SLC35D1: variants seen among roughly 807,000 people sequenced by gnomAD.
The protein encoded by SLC35D1 is nucleotide sugar transporter SLC35D1.
In SLC35D1, 31 loss-of-function variants were observed where a neutral mutation model predicts 46.7. The observed-to-expected ratio is 0.66, with a 90% CI of 0.50 to 0.90. The LOEUF (loss-of-function observed/expected upper bound fraction) is 0.90. SLC35D1 is among the 40% of genes least tolerant of loss of function. SLC35D1 has a pLI of 0.00. For missense variants in SLC35D1, 397 were observed against 426.2 expected (o/e 0.93, Z 0.60); for synonymous variants, 195 against 164.6 (o/e 1.18, Z -1.41).
the SLC35D1 span, among the ~76,000 whole-genome samples, chr1:66,992,265 T>C: frequency 1.3e-5 from 2 of 152,242 alleles, no homozygotes; most frequent in Non-Finnish European, 2.9e-5. Flanking sequence ...TTTCAAATTT[T>C]TGCTGGTGCT....
chr1:66,995,219 T>C (rs1667225060), downstream of SLC35D1, among the ~76,000 whole-genome samples: 1 of 151,908 alleles, frequency 6.6e-6, no homozygotes, highest in African/African-American at 2.4e-5. Context: ...TGGTAGCCAG[T>C]GGGCTAAGTC....
downstream of SLC35D1, among the ~76,000 whole-genome samples, chr1:66,996,510 C>A (rs940465643): frequency 6.6e-6 from 1 of 152,164 alleles, no homozygotes; most frequent in African/African-American, 2.4e-5. Context: ...CTGACCACAC[C>A]GGGCAAGTGT....
rs1667291441 is a variant in SLC35D1, at chr1:66,999,765, A to C, written c.*4575T>G. 6.6e-6 allele frequency: 1 copy of C among 152,078 alleles called. No homozygotes were observed. The highest frequency in any genetic ancestry group is 1.5e-5 in the Non-Finnish European group (1 of 68,012). 9.4% of individuals were successfully genotyped at this position (152,078 alleles called of 1,614,324 possible). ...GCATCCTGAAAGTAAGACCTAGAAG[A>C]CTGGCTTAGAAAACAGTAATGGTGC... On this transcript the variant is annotated 3_prime_UTR_variant, in exon 12 of 12. Transcript: ENST00000235345.
intron 8 of SLC35D1, among the ~76,000 whole-genome samples, chr1:67,024,386 TCTC>T (rs1253153800): frequency 6.6e-6 from 1 of 152,230 alleles, no homozygotes; most frequent in Admixed American, 6.5e-5. Context: ...TCAAAGATCT[TCTC>T]CTATCTTTTC....
At chr1:67,041,333 G>C (rs1465292787) in intron 8 of SLC35D1, among the ~76,000 whole-genome samples, 1 of 152,124 alleles carries the variant, frequency 6.6e-6, no homozygotes, top group Non-Finnish European at 1.5e-5. Context: ...TAAAAGAAGA[G>C]GTATGATGGG....
chr1:67,054,081 A>G lies in SLC35D1; in HGVS notation c.-68T>C. The stretch of plus-strand genomic sequence containing the variant: ...TCGGGGGCCTGCAGCGGCAGCTCCC[A>G]GGGGACTCCAGGAGTTGGGGACCGC... On this transcript the variant is annotated 5_prime_UTR_variant, in exon 1 of 12. Transcript: ENST00000235345. 6.6e-7 allele frequency: 1 copy of G among 1,519,508 alleles called. No homozygotes were observed. Among genetic ancestry groups the G allele is most frequent in the East Asian group, 2.3e-5 (1 of 43,802 alleles). 94.1% of individuals were successfully genotyped at this position (1,519,508 alleles called of 1,614,324 possible). A position where few individuals can be genotyped will look rare whatever the true frequency, so the allele number is the denominator to read the frequency against.
At chr1:66,975,745 G>T in the SLC35D1 span, among the ~76,000 whole-genome samples, 4 of 152,068 alleles carry the variant, frequency 2.6e-5, no homozygotes, top group African/African-American at 9.7e-5. Flanking sequence ...ACAGTAAGCC[G>T]CAAGAGTAAC....
At position 67,000,586 on chromosome 1, in the gene SLC35D1, T is replaced by G. The variant is rs1458574171; in HGVS notation, c.*3754A>C. On this transcript the variant is annotated 3_prime_UTR_variant, in exon 12 of 12. Transcript: ENST00000235345. ...TTTACGGAGCATAAATTAAGAATCT[T>G]GTTTTGCCTTGAGTCTCACCATGAA... is the stretch of plus-strand genomic sequence containing the variant. 1 of 152,328 alleles carries G rather than the reference T, an allele frequency of 6.6e-6. No homozygotes were observed. The highest frequency in any genetic ancestry group is 6.5e-5 in the Admixed American group (1 of 15,278). 9.4% of individuals were successfully genotyped at this position (152,328 alleles called of 1,614,324 possible). A position where few individuals can be genotyped will look rare whatever the true frequency, so the allele number is the denominator to read the frequency against.
chr1:67,050,142 A>G (rs1437629896), intron 5 of SLC35D1, among the ~76,000 whole-genome samples: 1 of 152,212 alleles, frequency 6.6e-6, no homozygotes, highest in Non-Finnish European at 1.5e-5. Context: ...GGAGCTAGAC[A>G]TGAACACTAT....
the SLC35D1 span, among the ~76,000 whole-genome samples, chr1:66,992,632 TGGCTAGAGCCATG>T: frequency 1.3e-5 from 2 of 152,258 alleles, no homozygotes; most frequent in African/African-American, 4.8e-5. Flanking sequence ...CACGTATTCA[TGGCTAGAGCCATG>T]GGCTTAACCC....
the SLC35D1 span, among the ~76,000 whole-genome samples, chr1:66,990,702 A>ATAGT: frequency 3.3e-5 from 5 of 152,206 alleles, no homozygotes; most frequent in East Asian, 1.9e-4. Context: ...GTGTATATGT[A>ATAGT]TAGTTAGTTA....
At chr1:66,996,002 G>A (rs1667235604), downstream of SLC35D1, among the ~76,000 whole-genome samples, 1 of 152,160 alleles carries the variant, frequency 6.6e-6, no homozygotes, top group Non-Finnish European at 1.5e-5. Context: ...AGAAAGAAAG[G>A]GGTTTTGAAA....
At chr1:67,014,447 A>G (rs1157825360) in intron 10 of SLC35D1, among the ~76,000 whole-genome samples, 1 of 152,082 alleles carries the variant, frequency 6.6e-6, no homozygotes, top group Non-Finnish European at 1.5e-5. Flanking sequence ...CTAAAATTTA[A>G]AAACCAAAGC....
chr1:66,990,733 A>G, the SLC35D1 span, among the ~76,000 whole-genome samples: 2 of 152,324 alleles, frequency 1.3e-5, no homozygotes, highest in Non-Finnish European at 2.9e-5. Flanking sequence ...TGAAGGTCAT[A>G]TGCCAAAAGT....
intron 4 of SLC35D1, among the ~76,000 whole-genome samples, chr1:67,051,614 T>C (rs1645309462): frequency 6.6e-6 from 1 of 152,238 alleles, no homozygotes. Context: ...TTCTTGTGCC[T>C]ACCCTCTAAT....
At chr1:67,040,803 G>T (rs1328968386) in intron 8 of SLC35D1, among the ~76,000 whole-genome samples, 2 of 152,160 alleles carry the variant, frequency 1.3e-5, no homozygotes, top group African/African-American at 4.8e-5. Flanking sequence ...TCTGCTAAAA[G>T]AAACTTTATA....
At chr1:66,974,382 G>T in the SLC35D1 span, among the ~76,000 whole-genome samples, 7 of 151,730 alleles carry the variant, frequency 4.6e-5, no homozygotes, top group South Asian at 4.1e-4. Context: ...AAAGAAAAAA[G>T]TTCGTTGTTT....
At chr1:67,035,917 T>A (rs543180987) in intron 8 of SLC35D1, among the ~76,000 whole-genome samples, 26 of 151,932 alleles carry the variant, frequency 1.7e-4, no homozygotes, top group Middle Eastern at 3.4e-3. Context: ...TTTCAAAAAA[T>A]TTTTTAATTT....
the SLC35D1 span, among the ~76,000 whole-genome samples, chr1:66,974,137 C>T: frequency 6.6e-6 from 1 of 151,652 alleles, no homozygotes; most frequent in South Asian, 2.1e-4. Context: ...TGAAGAGCCC[C>T]ACTCCCAATT....
Sources: allele counts gnomAD v4.1 joint callset (sites outside exome capture counted in the v4.1 genomes callset), GRCh38; gene constraint gnomAD v4.1.1; transcripts MANE v1.5; gene names NCBI Gene and HGNC (gene_info 2026-07-23, HGNC 2026-07-21).